Variants in PLEKHG1 observed in about 807,000 individuals in gnomAD.
PLEKHG1 encodes pleckstrin homology and RhoGEF domain containing G1.
PLEKHG1 carries 44 observed loss-of-function variants against 100.8 expected under a neutral mutation model. The observed-to-expected ratio is 0.44, with a 90% CI of 0.34 to 0.56. The LOEUF is 0.56. Ranked by LOEUF, PLEKHG1 falls within the 20% of genes least tolerant of loss-of-function variation. The pLI, the probability that PLEKHG1 is intolerant of heterozygous loss-of-function variation, is 0.01. For synonymous variants in PLEKHG1, 640 were observed against 662.5 expected (o/e 0.97, Z 0.52); for missense variants, 1,545 against 1,720.9 (o/e 0.90, Z 1.81).
At chr6:150,813,661 G>C (rs1787681200) in intron 10 of PLEKHG1, among the ~76,000 whole-genome samples, 4 of 152,182 alleles carry the variant, frequency 2.6e-5, no homozygotes, top group Admixed American at 2.6e-4. Flanking sequence ...GGTTCAGCAG[G>C]ACTTAATGTG....
intron 3 of PLEKHG1, among the ~76,000 whole-genome samples, chr6:150,672,590 A>G (rs927631547): frequency 1.3e-5 from 2 of 152,228 alleles, no homozygotes; most frequent in African/African-American, 4.8e-5. Context: ...TTTAGGTGAA[A>G]TCAGAGGATA....
At chr6:150,607,657 G>A (rs1425438208) in intron 1 of PLEKHG1, among the ~76,000 whole-genome samples, 1 of 152,178 alleles carries the variant, frequency 6.6e-6, no homozygotes, top group Non-Finnish European at 1.5e-5. Flanking sequence ...TGGTAGGGGT[G>A]ATATTAGAGG....
chr6:150,827,466 G>A (rs1432047657), intron 14 of PLEKHG1, among the ~76,000 whole-genome samples: 1 of 151,786 alleles, frequency 6.6e-6, no homozygotes, highest in Non-Finnish European at 1.5e-5. Flanking sequence ...TAGTAGAGAC[G>A]GGTTTCTTCA....
chr6:150,712,606 C>T (rs763414198), intron 3 of PLEKHG1, among the ~76,000 whole-genome samples: 6 of 152,204 alleles, frequency 3.9e-5, no homozygotes, highest in Non-Finnish European at 7.3e-5. Context: ...AATTCCCATT[C>T]AACCTGCAGT....
intron 3 of PLEKHG1, among the ~76,000 whole-genome samples, chr6:150,692,533 C>G (rs1317354989): frequency 6.6e-6 from 1 of 152,048 alleles, no homozygotes; most frequent in Non-Finnish European, 1.5e-5. Flanking sequence ...AAGGCTTGTC[C>G]TTGACCTCAA....
intron 14 of PLEKHG1, among the ~76,000 whole-genome samples, chr6:150,830,193 C>T (rs944148290): frequency 3.2e-4 from 48 of 152,130 alleles, no homozygotes; most frequent in Non-Finnish European, 2.4e-4. Context: ...GAAATTGGTA[C>T]GATCATACCT....
rs575472001 is a variant in PLEKHG1, at chr6:150,781,938, A to ATTT, written c.513-4441_513-4439dup. ...AGGTGCCTGCCACCACGCCCGGCTA[A>ATTT]TTTTTTTTTTTTTGTATTTTCAGTA... On this transcript the variant is annotated intron_variant, in intron 3 of 15. Coordinates refer to ENST00000358517, the Ensembl canonical transcript of PLEKHG1. 1.7e-3 allele frequency among the ~76,000 whole-genome samples: 248 copies of ATTT among 143,592 alleles called. 2 individuals carry two copies. Among genetic ancestry groups the ATTT allele is most frequent in the African/African-American group, 5.8e-3 (229 of 39,548 alleles). The allele number at this position is 143,592 out of a possible 152,430, so 94.2% of individuals were successfully genotyped here. A position where few individuals can be genotyped will look rare whatever the true frequency, so the allele number is the denominator to read the frequency against.
In PLEKHG1 at chr6:150,620,434, G is replaced by A. The variant is rs558084088; in HGVS notation, c.-203-17646G>A. On this transcript the variant is annotated intron_variant, in intron 1 of 3. Coordinates refer to the PLEKHG1 transcript ENST00000367326. ...AGGGAAGAGATTGCTGCTGCAACCT[G>A]GCCTGTCCTTTGTCCCCCCAGACCC... Among the ~76,000 whole-genome samples the A allele has an allele frequency of 8.5e-5, 13 of 152,252 alleles. No homozygotes were observed. In the East Asian group the frequency reaches 2.5e-3, roughly 29 times the overall value.
At chr6:150,793,820 G>A (rs770729726) in intron 4 of PLEKHG1, among the ~76,000 whole-genome samples, 3 of 152,226 alleles carry the variant, frequency 2.0e-5, no homozygotes, top group Non-Finnish European at 4.4e-5. Flanking sequence ...GGTGGCTCAT[G>A]CCTGCAATCC....
intron 3 of PLEKHG1, among the ~76,000 whole-genome samples, chr6:150,689,860 A>C (rs908150153): frequency 2.6e-5 from 4 of 151,608 alleles, no homozygotes; most frequent in Admixed American, 1.3e-4. Context: ...TGTCTCAAAA[A>C]AAAAAAAAAA....
At chr6:150,670,654 TG>T (rs1779552657) in intron 3 of PLEKHG1, among the ~76,000 whole-genome samples, 1 of 152,218 alleles carries the variant, frequency 6.6e-6, no homozygotes. Context: ...GGGGAAACCC[TG>T]GGCCACATGA....
exon 8 of PLEKHG1, chr6:150,809,255 G>A: frequency 6.2e-7 from 1 of 1,614,212 alleles, no homozygotes; most frequent in South Asian, 1.1e-5. Context: ...GAAGAAGAGA[G>A]ATGACACGTT....
intron 4 of PLEKHG1, among the ~76,000 whole-genome samples, chr6:150,791,512 T>TA (rs1182154372): frequency 1.3e-5 from 2 of 151,246 alleles, no homozygotes; most frequent in African/African-American, 4.9e-5. Context: ...AAAATAAAAA[T>TA]AAAAAAATTA....
chr6:150,663,549 CTCTCTCTTTTT>C (rs1340412127), intron 3 of PLEKHG1: 7 of 142,740 alleles, frequency 4.9e-5, no homozygotes, highest in African/African-American at 1.8e-4. Flanking sequence ...CTCTCTCTCT[CTCTCTCTTTTT>C]TTTTTTTTTT....
At chr6:150,677,277 T>A (rs1286806152) in intron 3 of PLEKHG1, among the ~76,000 whole-genome samples, 1 of 133,086 alleles carries the variant, frequency 7.5e-6, no homozygotes. Context: ...CTCTTGTTTC[T>A]TCCCCTATAC....
chr6:150,727,685 G>T (rs943078439), intron 1 of PLEKHG1, among the ~76,000 whole-genome samples: 5 of 152,134 alleles, frequency 3.3e-5, no homozygotes, highest in Admixed American at 2.6e-4. Context: ...AGTCTCTAAG[G>T]TTCCTCTATG....
At chr6:150,709,096 A>C (rs1781144636) in intron 3 of PLEKHG1, among the ~76,000 whole-genome samples, 1 of 152,174 alleles carries the variant, frequency 6.6e-6, no homozygotes, top group African/African-American at 2.4e-5. Flanking sequence ...CACTTTGGGA[A>C]GCCGAGGCGG....
At chr6:150,765,610 T>C (rs1784420986) in intron 2 of PLEKHG1, among the ~76,000 whole-genome samples, 2 of 152,186 alleles carry the variant, frequency 1.3e-5, no homozygotes, top group South Asian at 4.1e-4. Flanking sequence ...GGCGCTGAAT[T>C]TGCCTTCAGT....
At chr6:150,611,631 G>C (rs1172372991) in intron 1 of PLEKHG1, among the ~76,000 whole-genome samples, 1 of 152,106 alleles carries the variant, frequency 6.6e-6, no homozygotes, top group Non-Finnish European at 1.5e-5. Flanking sequence ...GGCCAACATG[G>C]TGAAACCCTG....
Sources: allele counts gnomAD v4.1 joint callset (sites outside exome capture counted in the v4.1 genomes callset), GRCh38; gene constraint gnomAD v4.1.1; transcripts MANE v1.5; gene names NCBI Gene and HGNC (gene_info 2026-07-23, HGNC 2026-07-21).